Variants in PCNX2 observed in about 807,000 individuals in gnomAD.
The protein encoded by PCNX2 is pecanex-like protein 2.
A neutral mutation model predicts 223.8 loss-of-function variants in PCNX2; 168 were observed. The observed-to-expected ratio is 0.75, with a 90% CI of 0.66 to 0.85. The LOEUF (loss-of-function observed/expected upper bound fraction) is 0.85, where lower values mean the gene tolerates loss of function less well. Ranked by LOEUF, PCNX2 falls within the 40% of genes least tolerant of loss-of-function variation. The pLI is 0.00. For synonymous variants in PCNX2, 1,006 were observed against 1,052.6 expected, an observed-to-expected ratio of 0.96 and a Z score of 0.86; for missense variants, 2,507 against 2,675.5, an observed-to-expected ratio of 0.94 and a Z score of 1.39.
intron 10 of PCNX2, among the ~76,000 whole-genome samples, chr1:233,218,706 T>C (rs1281157284): frequency 1.3e-5 from 2 of 152,298 alleles, no homozygotes; most frequent in East Asian, 1.9e-4. Context: ...TCCAACTTAA[T>C]ACCAGATTTT....
intron 23 of PCNX2, among the ~76,000 whole-genome samples, chr1:233,071,526 A>G (rs773478637): frequency 4.6e-5 from 7 of 152,166 alleles, no homozygotes; most frequent in Non-Finnish European, 8.8e-5. Context: ...TCCATGGTGT[A>G]TATGTACCAC....
At chr1:233,306,164 G>A in the PCNX2 span, among the ~76,000 whole-genome samples, 1 of 152,084 alleles carries the variant, frequency 6.6e-6, no homozygotes, top group African/African-American at 2.4e-5. Context: ...CTAAGAAAAA[G>A]AAAAGCGTTT....
rs1476096340 is a variant in PCNX2, at chr1:232,991,344, C to T, written c.5792-4804G>A. Among the ~76,000 whole-genome samples the T allele has an allele frequency of 6.6e-6, 1 of 151,902 alleles. No homozygotes were observed. Among genetic ancestry groups the T allele is most frequent in the South Asian group, 2.1e-4 (1 of 4,814 alleles). On this transcript the variant is annotated intron_variant, in intron 32 of 33. Coordinates refer to ENST00000258229, the MANE Select transcript of PCNX2 (RefSeq NM_014801.4). The surrounding 1 kb of genome is among the most constrained non-coding windows in gnomAD (Gnocchi z 4.3). ...ACACTGTTGAGGGACAGCAAGAGAC[C>T]GTGTGCTGGGGATGTGGGCTCATAA...
intron 25 of PCNX2, 104 bp from the exon 26 acceptor site, chr1:233,025,503 G>A (rs557181880): frequency 7.0e-6 from 10 of 1,423,002 alleles, no homozygotes; most frequent in South Asian, 1.4e-5. Context: ...AGGCTGAAGG[G>A]AGTCGAGGAA....
chr1:233,258,059 A>C lies in PCNX2; in HGVS notation c.1803T>G (p.Ala601=). 6.2e-7 allele frequency: 1 copy of C among 1,613,964 alleles called. No individual in the cohort carries two copies. Among genetic ancestry groups the C allele is most frequent in the East Asian group, 2.2e-5 (1 of 44,864 alleles). The change falls in exon 5 of 34, where the codon GCT becomes GCG. Residue 601 remains alanine, a synonymous_variant. Transcript: ENST00000258229. Reference sequence around the variant, plus strand: ...GAAGCCCACTTTCTTCATTCTGCTCAGCTGAGCCATTCAGTTGACTGGATG... The same window carrying C: ...GAAGCCCACTTTCTTCATTCTGCTCCGCTGAGCCATTCAGTTGACTGGATG... The part of the protein sequence containing the change: ...MTASSQLNGS[A]EQNEESGLLR...
intron 9 of PCNX2, among the ~76,000 whole-genome samples, chr1:233,229,251 T>C (rs1384703971): frequency 6.6e-6 from 1 of 152,170 alleles, no homozygotes; most frequent in Non-Finnish European, 1.5e-5. Flanking sequence ...TATCAAATAT[T>C]AATGCAAAAG....
intron 23 of PCNX2, among the ~76,000 whole-genome samples, chr1:233,071,037 A>G (rs1353373013): frequency 2.0e-5 from 3 of 152,328 alleles, no homozygotes; most frequent in Admixed American, 1.3e-4. Flanking sequence ...CTCCGTCACA[A>G]AAAATAAAAA....
intron 23 of PCNX2, among the ~76,000 whole-genome samples, chr1:233,073,782 TA>T (rs1410765321): frequency 1.3e-5 from 2 of 151,728 alleles, no homozygotes; most frequent in Non-Finnish European, 2.9e-5. Flanking sequence ...CCAACTAATT[TA>T]AAAAAAATTT....
At chr1:233,134,964 A>G in intron 21 of PCNX2, 49 bp downstream of exon 21, 1 of 1,430,788 alleles carries the variant, frequency 7.0e-7, no homozygotes, top group Non-Finnish European at 9.8e-7. Flanking sequence ...TTTGATAAGA[A>G]CAGCCCCCTT....
intron 30 of PCNX2, 81 bp from the exon 31 acceptor site, chr1:232,999,460 T>C (rs1256853285): frequency 2.1e-6 from 3 of 1,422,476 alleles, no homozygotes; most frequent in Non-Finnish European, 2.8e-6. Flanking sequence ...TTCTTTTTTT[T>C]TTTTTTTTTT....
intron 32 of PCNX2, among the ~76,000 whole-genome samples, chr1:232,988,035 G>C (rs1440024743): frequency 6.6e-6 from 1 of 152,236 alleles, no homozygotes; most frequent in South Asian, 2.1e-4. Flanking sequence ...CATTCGGGCC[G>C]GCCTGAAAGG....
chr1:233,228,789 C>T lies in PCNX2; in HGVS notation c.2359-1418G>A, dbSNP rs192628679. On this transcript the variant is annotated intron_variant, in intron 9 of 33. Transcript: ENST00000258229. ...GAGCACAGGTGTGCAAATATCTCTTCGAGCTCCTGCTTTCAATTCTTTTGG... is the reference window on the plus strand; with the variant it reads ...GAGCACAGGTGTGCAAATATCTCTTTGAGCTCCTGCTTTCAATTCTTTTGG... Among the ~76,000 whole-genome samples, 131 of 152,312 alleles carry T rather than the reference C, an allele frequency of 8.6e-4. 1 individual carries two copies. The highest frequency in any genetic ancestry group is 7.5e-3 in the South Asian group (36 of 4,822).
At chr1:233,228,099 T>C (rs192920709) in intron 9 of PCNX2, among the ~76,000 whole-genome samples, 15 of 152,292 alleles carry the variant, frequency 9.8e-5, no homozygotes, top group African/African-American at 2.9e-4. Flanking sequence ...AGTGAAGATG[T>C]TGGTAATAGA....
At chr1:233,149,050 T>C (rs968521032) in intron 19 of PCNX2, among the ~76,000 whole-genome samples, 1 of 152,178 alleles carries the variant, frequency 6.6e-6, no homozygotes, top group African/African-American at 2.4e-5. Context: ...TCACACAAAG[T>C]AAAGTCAAAA....
the PCNX2 span, among the ~76,000 whole-genome samples, chr1:233,313,900 G>T: frequency 6.6e-6 from 1 of 152,236 alleles, no homozygotes; most frequent in African/African-American, 2.4e-5. Flanking sequence ...TGAGAAAGGT[G>T]CTGGTGGGAG....
chr1:233,247,493 G>T (rs1339006602), intron 8 of PCNX2, among the ~76,000 whole-genome samples: 2 of 152,098 alleles, frequency 1.3e-5, no homozygotes, highest in African/African-American at 4.8e-5. Context: ...GCTATGTTTT[G>T]TTTTGTTTTT....
At chr1:233,042,001 G>A (rs1485177411) in intron 25 of PCNX2, among the ~76,000 whole-genome samples, 2 of 149,550 alleles carry the variant, frequency 1.3e-5, no homozygotes, top group African/African-American at 5.1e-5. Context: ...ATGGATATAG[G>A]GTTTATAAGA....
chr1:233,099,436 C>T (rs1674357692), intron 21 of PCNX2, among the ~76,000 whole-genome samples: 1 of 152,080 alleles, frequency 6.6e-6, no homozygotes, highest in Non-Finnish European at 1.5e-5. Context: ...GTAAAAAAAG[C>T]CTAATTAATA....
At chr1:233,121,041 T>TG (rs1380403312) in intron 21 of PCNX2, among the ~76,000 whole-genome samples, 2 of 151,316 alleles carry the variant, frequency 1.3e-5, no homozygotes, top group Admixed American at 1.3e-4. Flanking sequence ...AAGGAACAAT[T>TG]GGAGTTTAAA....
Sources: gnomAD v4.1 joint callset for allele counts (sites outside exome capture counted in the v4.1 genomes callset) on GRCh38, gnomAD v4.1.1 for gene constraint, Gnocchi (gnomAD v3.1) non-coding constraint, MANE v1.5 for transcripts, NCBI Gene and HGNC (gene_info 2026-07-23, HGNC 2026-07-21) for gene names.